DNAH6: variants seen among roughly 807,000 people sequenced by gnomAD.
DNAH6 encodes dynein axonemal heavy chain 6.
DNAH6 carries 340 observed loss-of-function variants against 491.4 expected under a neutral mutation model. That is an observed-to-expected ratio of 0.69 (90% CI 0.63 to 0.76). The LOEUF (loss-of-function observed/expected upper bound fraction) is 0.76, where lower values mean the gene tolerates loss of function less well. Ranked by LOEUF, DNAH6 falls within the 30% of genes least tolerant of loss-of-function variation. The pLI is 0.00. For missense variants in DNAH6, 4,443 were observed against 4,972.2 expected, an observed-to-expected ratio of 0.89 and a Z score of 3.20; for synonymous variants, 1,603 against 1,686.1, an observed-to-expected ratio of 0.95 and a Z score of 1.21.
chr2:84,765,465 G>A (rs1007089567), intron 64 of DNAH6, among the ~76,000 whole-genome samples: 1 of 152,064 alleles, frequency 6.6e-6, no homozygotes, highest in African/African-American at 2.4e-5. Flanking sequence ...TAGCTAATGA[G>A]TGCTAATTTC....
chr2:84,623,812 G>A (rs148694976), intron 26 of DNAH6, among the ~76,000 whole-genome samples: 2 of 152,272 alleles, frequency 1.3e-5, no homozygotes, highest in East Asian at 3.9e-4. Flanking sequence ...ACCAGTCATT[G>A]GCTAGCTTAA....
intron 4 of DNAH6, among the ~76,000 whole-genome samples, chr2:84,535,584 A>G (rs928307508): frequency 2.0e-5 from 3 of 151,846 alleles, no homozygotes; most frequent in Non-Finnish European, 4.4e-5. Context: ...TAGGAGTGCA[A>G]GAACACATAA....
chr2:84,605,176 T>C (rs942671148), intron 19 of DNAH6, among the ~76,000 whole-genome samples: 21 of 149,086 alleles, frequency 1.4e-4, no homozygotes, highest in African/African-American at 5.0e-4. Context: ...TGAAACCCTA[T>C]CTCTATTAAA....
At chr2:84,692,986 C>A (rs1341912076) in intron 45 of DNAH6, among the ~76,000 whole-genome samples, 2 of 152,182 alleles carry the variant, frequency 1.3e-5, no homozygotes, top group Non-Finnish European at 2.9e-5. Flanking sequence ...AAAACTTCTG[C>A]ATGTAAATTA....
chr2:84,670,300 G>C (rs1395911552), intron 38 of DNAH6, 28 bp from the exon 39 acceptor site: 1 of 1,422,396 alleles, frequency 7.0e-7, no homozygotes, highest in Non-Finnish European at 9.6e-7. Context: ...ATATTCATGT[G>C]ACATTAATTA....
intron 32 of DNAH6, among the ~76,000 whole-genome samples, chr2:84,641,165 C>T (rs1042379002): frequency 6.6e-6 from 1 of 152,034 alleles, no homozygotes; most frequent in African/African-American, 2.4e-5. Context: ...ATCTGGAATC[C>T]CCAACTTGTC....
At chr2:84,726,974 A>G (rs1698697301) in intron 60 of DNAH6, among the ~76,000 whole-genome samples, 2 of 152,198 alleles carry the variant, frequency 1.3e-5, no homozygotes, top group East Asian at 1.9e-4. Flanking sequence ...GAAACAAGGT[A>G]GAAATCTCCT....
chr2:84,696,294 AC>A (rs1331921666), intron 46 of DNAH6, among the ~76,000 whole-genome samples: 1 of 151,940 alleles, frequency 6.6e-6, no homozygotes, highest in Admixed American at 6.6e-5. Flanking sequence ...TGTACTCGTA[AC>A]ATTCTTTGCC....
At position 84,686,465 on chromosome 2, in the gene DNAH6, G is replaced by A. The variant is rs1242678627; in HGVS notation, c.7064-19G>A. ...AAGATTATCATTATATTTAAAACTT[G>A]GTTTTGTTCTTTAAATAGACAAACA... On this transcript the variant is annotated intron_variant, in intron 43 of 76. Coordinates refer to ENST00000389394, the MANE Select transcript of DNAH6 (RefSeq NM_001370.2). The A allele has an allele frequency of 2.4e-5, 32 of 1,357,046 alleles. No individual in the cohort carries two copies. The highest frequency in any genetic ancestry group is 3.1e-5 in the Non-Finnish European group (30 of 976,012). 84.1% of individuals were successfully genotyped at this position (1,357,046 alleles called of 1,614,324 possible).
intron 46 of DNAH6, among the ~76,000 whole-genome samples, chr2:84,697,276 T>G (rs1695485161): frequency 6.6e-6 from 1 of 152,196 alleles, no homozygotes; most frequent in Admixed American, 6.5e-5. Flanking sequence ...ATGAGTACAT[T>G]ACAGAACTAT....
At chr2:84,507,664 T>C in the DNAH6 span, among the ~76,000 whole-genome samples, 1 of 152,176 alleles carries the variant, frequency 6.6e-6, no homozygotes, top group Non-Finnish European at 1.5e-5. Context: ...AGGGAATGCT[T>C]CCAGTTTTTG....
At chr2:84,624,184 C>A in intron 26 of DNAH6, 81 bp from the exon 27 acceptor site, 1 of 1,300,268 alleles carries the variant, frequency 7.7e-7, no homozygotes, top group South Asian at 1.6e-5. Flanking sequence ...AATGTCTCTC[C>A]AAATTGAATG....
chr2:84,631,674 A>G (rs1212655112), intron 29 of DNAH6, among the ~76,000 whole-genome samples: 1 of 152,104 alleles, frequency 6.6e-6, no homozygotes, highest in Non-Finnish European at 1.5e-5. Flanking sequence ...AGGAATCCCA[A>G]GGGTTGCCGG....
At chr2:84,593,067 T>G in intron 16 of DNAH6, among the ~76,000 whole-genome samples, 1 of 152,136 alleles carries the variant, frequency 6.6e-6, no homozygotes, top group East Asian at 1.9e-4. Flanking sequence ...TAAAAATTTA[T>G]TAAAAGAATA....
At chr2:84,508,335 A>T in the DNAH6 span, among the ~76,000 whole-genome samples, 4 of 152,030 alleles carry the variant, frequency 2.6e-5, no homozygotes, top group African/African-American at 9.7e-5. Context: ...TTTCTTCTAG[A>T]TTTTCTAGTT....
At chr2:84,476,535 C>T in the DNAH6 span, among the ~76,000 whole-genome samples, 1 of 152,148 alleles carries the variant, frequency 6.6e-6, no homozygotes, top group Admixed American at 6.5e-5. Flanking sequence ...TTTTCTGTTC[C>T]TCACATTCAG....
At chr2:84,715,081 A>G (rs1697389931) in intron 57 of DNAH6, among the ~76,000 whole-genome samples, 1 of 152,074 alleles carries the variant, frequency 6.6e-6, no homozygotes, top group South Asian at 2.1e-4. Context: ...TCAAGCAAAG[A>G]CACACTGTAT....
chr2:84,525,618 G>T lies in DNAH6; in HGVS notation c.279G>T (p.Gln93His). 6.5e-7 allele frequency: 1 copy of T among 1,550,370 alleles called. No homozygotes were observed. The highest frequency in any genetic ancestry group is 1.2e-5 in the South Asian group (1 of 83,940). The change falls in exon 3 of 77, where the codon CAG becomes CAT. Residue 93 changes from glutamine to histidine, a missense_variant. Around this residue, in one of 3 missense-constraint regions of DNAH6, gnomAD observed 2,977 missense variants for 3,296.6 expected, o/e 0.90. Transcript: ENST00000389394. ...DHKQPEYIHE[Q>H]NRFQLMTAGI... ...AGCAGCCAGAATACATACATGAACA[G>T]AACCGATTTCAGTTAATGACTGCAG...
At chr2:84,497,650 G>A in the DNAH6 span, among the ~76,000 whole-genome samples, 5 of 152,150 alleles carry the variant, frequency 3.3e-5, no homozygotes, top group Non-Finnish European at 5.9e-5. Context: ...TTGCTAGGGT[G>A]TATTTAAAAC....
Sources: gnomAD v4.1 joint callset for allele counts (sites outside exome capture counted in the v4.1 genomes callset) on GRCh38, gnomAD v4.1.1 for gene constraint, gnomAD v4.1.1 regional missense constraint, MANE v1.5 for transcripts, NCBI Gene and HGNC (gene_info 2026-07-23, HGNC 2026-07-21) for gene names.